TEX11: variants seen among roughly 807,000 people sequenced by gnomAD.
TEX11 encodes testis-expressed protein 11.
TEX11 carries 7 observed loss-of-function variants against 84.4 expected under a neutral mutation model. The observed-to-expected ratio is 0.08, with a 90% CI of 0.05 to 0.16. The LOEUF (loss-of-function observed/expected upper bound fraction) is 0.16, where lower values mean the gene tolerates loss of function less well. Among genes scored for constraint, TEX11 ranks in the 10% least tolerant of loss-of-function variants. TEX11 has a pLI of 1.00. For missense variants in TEX11, 551 were observed against 660.5 expected (o/e 0.83, Z 1.82); for synonymous variants, 264 against 222.8 (o/e 1.18, Z -1.64).
chrX:70,665,607 C>A (rs972055522), intron 16 of TEX11, among the ~76,000 whole-genome samples: 2 of 110,964 alleles, frequency 1.8e-5, no homozygotes, highest in African/African-American at 6.5e-5. Flanking sequence ...GAAAACAAAC[C>A]AAAGAAATGA....
At position 70,783,340 on chromosome X, in the gene TEX11, G is replaced by A. The variant is rs555189168; in HGVS notation, c.692+23365C>T. ...GGGCACATTTAAAGCAGTGTGTAGA[G>A]GGAAATTTATACCACTAAACGCCCA... On this transcript the variant is annotated intron_variant, in intron 9 of 29. Coordinates refer to ENST00000374333, the MANE Select transcript of TEX11 (RefSeq NM_031276.3). Among the ~76,000 whole-genome samples, 9 of 111,397 alleles carry A rather than the reference G, an allele frequency of 8.1e-5. No homozygotes were observed. The East Asian group carries it at 1.4e-3, about 17-fold the overall frequency.
Position 70,539,038 on chromosome X carries a change from A to ATATATATATTTTTTTTTT in TEX11, c.2521-9040_2521-9039insAAAAAAAAAATATATATA. 1.5e-3 allele frequency among the ~76,000 whole-genome samples: 61 copies of ATATATATATTTTTTTTTT among 41,235 alleles called. 1 individual carries two copies. The highest frequency in any genetic ancestry group is 5.5e-3 in the African/African-American group (60 of 10,878). 35.8% of individuals were successfully genotyped at this position (41,235 alleles called of 115,157 possible). ...CTTGGAAATATATATATATATATAT[A>ATATATATATTTTTTTTTT]TTTTTTTTTTTTTTAAGATGGAGTC... is the stretch of plus-strand genomic sequence containing the variant. On this transcript the variant is annotated intron_variant, in intron 28 of 29. Transcript: ENST00000374333.
chrX:70,891,448 A>G (rs1198860200), intron 2 of TEX11, among the ~76,000 whole-genome samples: 1 of 111,483 alleles, frequency 9.0e-6, no homozygotes, highest in Admixed American at 9.6e-5. Flanking sequence ...CTAAAGGAGG[A>G]TGTTCAAACC....
intron 8 of TEX11, among the ~76,000 whole-genome samples, chrX:70,816,626 C>T (rs759030947): frequency 2.7e-4 from 30 of 109,461 alleles, no homozygotes; most frequent in African/African-American, 8.6e-4. Context: ...GCAGGACAAT[C>T]GCTTGAACCT....
intron 2 of TEX11, among the ~76,000 whole-genome samples, chrX:70,894,689 T>G (rs761617742): frequency 9.1e-6 from 1 of 109,875 alleles, no homozygotes; most frequent in Non-Finnish European, 1.9e-5. Context: ...TCCACCACGA[T>G]CAAGTCGGCT....
chrX:70,744,835 C>G (rs1433663427), intron 9 of TEX11, among the ~76,000 whole-genome samples: 1 of 109,321 alleles, frequency 9.1e-6, no homozygotes, highest in Non-Finnish European at 1.9e-5. Context: ...CTCAGCCTCC[C>G]AAGTAGCTAG....
At chrX:70,831,038 G>A in intron 8 of TEX11, among the ~76,000 whole-genome samples, 1 of 111,819 alleles carries the variant, frequency 8.9e-6, no homozygotes, top group Non-Finnish European at 1.9e-5. Flanking sequence ...ATTTACAATA[G>A]CCAAGCTATG....
chrX:70,651,178 A>G (rs765516262), intron 17 of TEX11, among the ~76,000 whole-genome samples: 13 of 112,400 alleles, frequency 1.2e-4, no homozygotes, highest in African/African-American at 4.2e-4. Context: ...AAATAAAAGT[A>G]TAAAAAAGTA....
chrX:70,579,530 A>AAAAAAAAAAAC (rs2088739759), intron 25 of TEX11, among the ~76,000 whole-genome samples: 3 of 103,134 alleles, frequency 2.9e-5, no homozygotes, highest in African/African-American at 3.5e-5. Flanking sequence ...AAAAAAAAAA[A>AAAAAAAAAAAC]AAAACAAAAA....
In TEX11 at chrX:70,758,267, A is replaced by C. The variant is rs369373269; in HGVS notation, c.693-14048T>G. Among the ~76,000 whole-genome samples the C allele has an allele frequency of 2.7e-5, 3 of 111,928 alleles. No homozygotes were observed. In the East Asian group the frequency reaches 8.4e-4, roughly 31 times the overall value. Reference sequence around the variant, plus strand: ...GGGACTTGAACTCAGCTCTGGACCAAACAGGCCTAATGGACATCTACAGAA... The same window carrying C: ...GGGACTTGAACTCAGCTCTGGACCACACAGGCCTAATGGACATCTACAGAA... On this transcript the variant is annotated intron_variant, in intron 9 of 29. Transcript: ENST00000374333.
At chrX:70,561,387 A>AT (rs2088370451) in intron 25 of TEX11, among the ~76,000 whole-genome samples, 39 of 64,735 alleles carry the variant, frequency 6.0e-4, no homozygotes, top group African/African-American at 1.8e-3. Flanking sequence ...ATATCAATTT[A>AT]CTTTTTTTTT....
At chrX:70,750,687 C>T (rs1489266912) in intron 9 of TEX11, among the ~76,000 whole-genome samples, 3 of 97,352 alleles carry the variant, frequency 3.1e-5, no homozygotes, top group East Asian at 6.8e-4. Flanking sequence ...AACCAAACAC[C>T]GCATATTCTC....
intron 9 of TEX11, among the ~76,000 whole-genome samples, chrX:70,761,958 A>T (rs1035311677): frequency 8.9e-6 from 1 of 112,059 alleles, no homozygotes; most frequent in African/African-American, 3.2e-5. Flanking sequence ...TACATCAAGC[A>T]GACTTTTCAA....
intron 4 of TEX11, among the ~76,000 whole-genome samples, chrX:70,870,894 T>A (rs1032876709): frequency 9.0e-6 from 1 of 111,531 alleles, no homozygotes; most frequent in Non-Finnish European, 1.9e-5. Flanking sequence ...TTTCACAGGC[T>A]TCACAGGTGA....
intron 9 of TEX11, among the ~76,000 whole-genome samples, chrX:70,782,047 A>C (rs767939365): frequency 1.8e-5 from 2 of 111,609 alleles, no homozygotes; most frequent in Non-Finnish European, 3.8e-5. Context: ...TGAAGGAAAA[A>C]ATTTTAAGGG....
downstream of TEX11, among the ~76,000 whole-genome samples, chrX:70,526,550 C>T (rs1173727481): frequency 9.9e-6 from 1 of 101,243 alleles, no homozygotes. Context: ...GCCTGGGCGA[C>T]ACAGCAAGAC....
At chrX:70,862,500 T>G (rs900754323) in intron 4 of TEX11, among the ~76,000 whole-genome samples, 11 of 111,570 alleles carry the variant, frequency 9.9e-5, no homozygotes, top group African/African-American at 3.6e-4. Context: ...AGTGTAAAAT[T>G]TATTCATCAC....
At chrX:70,551,205 A>G (rs2088208872) in intron 28 of TEX11, among the ~76,000 whole-genome samples, 1 of 111,024 alleles carries the variant, frequency 9.0e-6, no homozygotes, top group Non-Finnish European at 1.9e-5. Flanking sequence ...GCTAAAAATT[A>G]AAATAATTGA....
At chrX:70,572,445 A>T (rs1401691307) in intron 25 of TEX11, among the ~76,000 whole-genome samples, 2 of 111,508 alleles carry the variant, frequency 1.8e-5, no homozygotes, top group Non-Finnish European at 3.8e-5. Flanking sequence ...CAGTGTGGCG[A>T]TTCCTCAGGG....
Sources: gnomAD v4.1 joint callset for allele counts (sites outside exome capture counted in the v4.1 genomes callset) on GRCh38, gnomAD v4.1.1 for gene constraint, MANE v1.5 for transcripts, NCBI Gene and HGNC (gene_info 2026-07-23, HGNC 2026-07-21) for gene names.